The following CFDP1 variants were observed in gnomAD, a reference collection of about 807,000 sequenced individuals.
CFDP1 encodes heterochromatin-stabilizing protein CFDP1.
CFDP1 carries 31 observed loss-of-function variants against 40.1 expected under a neutral mutation model. That is an observed-to-expected ratio of 0.77 (90% CI 0.58 to 1.04). The LOEUF (loss-of-function observed/expected upper bound fraction) is 1.04. CFDP1 is among the 50% of genes least tolerant of loss of function. The probability of loss-of-function intolerance (pLI) is 0.00; values close to 1 mark genes in which losing one functional copy is unlikely to be tolerated. For missense variants in CFDP1, 423 were observed against 343.4 expected, an observed-to-expected ratio of 1.23 and a Z score of -1.83; for synonymous variants, 167 against 120.0, an observed-to-expected ratio of 1.39 and a Z score of -2.56.
intron 5 of CFDP1, among the ~76,000 whole-genome samples, chr16:75,308,748 G>A (rs1367486722): frequency 6.6e-6 from 1 of 152,180 alleles, no homozygotes; most frequent in Non-Finnish European, 1.5e-5. Context: ...AGCTATGTAC[G>A]CCACCTCTCC....
intron 5 of CFDP1, among the ~76,000 whole-genome samples, chr16:75,323,108 T>C (rs1236901721): frequency 1.3e-5 from 2 of 151,880 alleles, no homozygotes; most frequent in Non-Finnish European, 2.9e-5. Flanking sequence ...TTTTTGACTG[T>C]TTTTTAGTAA....
chr16:75,344,949 A>G (rs1567651899), intron 5 of CFDP1, among the ~76,000 whole-genome samples: 1 of 152,074 alleles, frequency 6.6e-6, no homozygotes, highest in Non-Finnish European at 1.5e-5. Context: ...AAAAAAGAAG[A>G]AAGAAAAAAA....
At position 75,326,741 on chromosome 16, in the gene CFDP1, G is replaced by T. The variant is rs117441323; in HGVS notation, c.651-21559C>A. Among the ~76,000 whole-genome samples, 441 of 152,314 alleles carry T rather than the reference G, an allele frequency of 2.9e-3. 2 individuals carry two copies. Among genetic ancestry groups the T allele is most frequent in the Non-Finnish European group, 5.1e-3 (347 of 68,034 alleles). ...GCGGTAAAATGTGGTCATATATACA[G>T]ATTCAAGACATCCAAATGGCTTCAG... On this transcript the variant is annotated intron_variant, in intron 5 of 6. Transcript: ENST00000283882.
chr16:75,295,834 G>C (rs1055351963), intron 6 of CFDP1, among the ~76,000 whole-genome samples: 2 of 152,176 alleles, frequency 1.3e-5, no homozygotes, highest in Non-Finnish European at 2.9e-5. Context: ...GATAAAAAGA[G>C]AAAAAGGGAA....
At chr16:75,377,187 T>G (rs922947066) in intron 5 of CFDP1, among the ~76,000 whole-genome samples, 1 of 152,252 alleles carries the variant, frequency 6.6e-6, no homozygotes, top group Non-Finnish European at 1.5e-5. Flanking sequence ...ACTCATTAAA[T>G]TGAACACTTA....
intron 4 of CFDP1, among the ~76,000 whole-genome samples, chr16:75,397,791 G>A (rs755924953): frequency 4.6e-4 from 70 of 151,982 alleles, no homozygotes; most frequent in Non-Finnish European, 8.7e-4. Flanking sequence ...GGGCGACAGC[G>A]AGACTCCGTC....
chr16:75,302,861 G>C (rs76316754), intron 6 of CFDP1, among the ~76,000 whole-genome samples: 75 of 152,306 alleles, frequency 4.9e-4, no homozygotes, highest in African/African-American at 1.7e-3. Context: ...GGCTGATCTA[G>C]AAGTCTGCTA....
intron 1 of CFDP1, 79 bp from the exon 2 acceptor site, chr16:75,414,774 T>C: frequency 1.1e-6 from 1 of 871,860 alleles, no homozygotes; most frequent in Admixed American, 2.1e-5. Flanking sequence ...AATACAAGCT[T>C]TCACACCGAG....
At chr16:75,381,933 A>G (rs4146810) in intron 5 of CFDP1, among the ~76,000 whole-genome samples, 75,872 of 151,804 alleles carry the variant, frequency 0.5, 20,310 homozygotes, top group Admixed American at 0.63. Flanking sequence ...CTAAGCAAAT[A>G]TAAGAAAGGT....
At chr16:75,328,057 G>C (rs990307651) in intron 5 of CFDP1, among the ~76,000 whole-genome samples, 13 of 151,690 alleles carry the variant, frequency 8.6e-5, no homozygotes, top group Admixed American at 7.2e-4. Flanking sequence ...AATAGAACTG[G>C]AAGAATGGAA....
At chr16:75,321,048 G>A (rs1345097191) in intron 5 of CFDP1, among the ~76,000 whole-genome samples, 3 of 152,096 alleles carry the variant, frequency 2.0e-5, no homozygotes, top group Middle Eastern at 6.3e-3. Context: ...TCCTGCCTCA[G>A]CTTCCTGAGT....
chr16:75,309,636 C>T (rs1224929048), intron 5 of CFDP1, among the ~76,000 whole-genome samples: 5 of 151,860 alleles, frequency 3.3e-5, no homozygotes, highest in Non-Finnish European at 7.4e-5. Context: ...CTGCCTAACA[C>T]GGTGAAACCC....
intron 4 of CFDP1, among the ~76,000 whole-genome samples, chr16:75,398,811 T>C (rs995958206): frequency 1.3e-5 from 2 of 152,020 alleles, no homozygotes; most frequent in South Asian, 2.1e-4. Flanking sequence ...TCCCAGCACT[T>C]TGGGAGGCTG....
At chr16:75,375,134 C>T (rs1375158407) in intron 5 of CFDP1, among the ~76,000 whole-genome samples, 1 of 151,198 alleles carries the variant, frequency 6.6e-6, no homozygotes, top group Non-Finnish European at 1.5e-5. Flanking sequence ...AAGCCAGGAC[C>T]ATTAAAAAAA....
At chr16:75,421,854 C>A (rs1028417229) in intron 1 of CFDP1, among the ~76,000 whole-genome samples, 1 of 152,142 alleles carries the variant, frequency 6.6e-6, no homozygotes, top group South Asian at 2.1e-4. Flanking sequence ...AGATCTCCCC[C>A]ACCCCACACC....
intron 4 of CFDP1, 43 bp from the exon 5 acceptor site, chr16:75,395,252 G>C (rs1174885885): frequency 6.2e-7 from 1 of 1,601,990 alleles, no homozygotes; most frequent in South Asian, 1.1e-5. Context: ...GAAGAATAAA[G>C]AGAAAGAAAC....
chr16:75,372,536 C>T (rs2078760639), intron 5 of CFDP1: 1 of 152,106 alleles, frequency 6.6e-6, no homozygotes, highest in East Asian at 1.9e-4. Context: ...AAACAAAAAG[C>T]AGATCAATCT....
chr16:75,390,305 C>T (rs895560601), intron 5 of CFDP1, among the ~76,000 whole-genome samples: 1 of 152,222 alleles, frequency 6.6e-6, no homozygotes, highest in Non-Finnish European at 1.5e-5. Context: ...CCACTGAGCC[C>T]TCTTCTCAAC....
At chr16:75,405,599 A>C (rs1479567414) in intron 4 of CFDP1, among the ~76,000 whole-genome samples, 1 of 151,944 alleles carries the variant, frequency 6.6e-6, no homozygotes, top group African/African-American at 2.4e-5. Flanking sequence ...AATACAAAAA[A>C]AATTTAGCCA....
Sources: gnomAD v4.1 joint callset for allele counts (sites outside exome capture counted in the v4.1 genomes callset) on GRCh38, gnomAD v4.1.1 for gene constraint, MANE v1.5 for transcripts, NCBI Gene and HGNC (gene_info 2026-07-23, HGNC 2026-07-21) for gene names.